COX15: variants seen among roughly 807,000 people sequenced by gnomAD.
COX15 encodes cytochrome c oxidase assembly factor COX15, also known as heme A synthase COX15.
COX15 carries 51 observed loss-of-function variants against 51.9 expected under a neutral mutation model. That is an observed-to-expected ratio of 0.98 (90% confidence interval 0.78 to 1.24). The LOEUF (loss-of-function observed/expected upper bound fraction) is 1.24. COX15 is among the 50% of genes most tolerant of loss of function. The pLI is 0.00. For missense variants in COX15, 420 were observed against 501.1 expected (o/e 0.84, Z 1.55); for synonymous variants, 188 against 190.5 (o/e 0.99, Z 0.11).
intron 5 of COX15, among the ~76,000 whole-genome samples, chr10:99,722,186 T>C (rs932213148): frequency 6.6e-6 from 1 of 152,196 alleles, no homozygotes. Flanking sequence ...AAAATTTAAA[T>C]AGCCATATGT....
downstream of COX15, chr10:99,709,118 C>T: frequency 1.0e-6 from 1 of 982,924 alleles, no homozygotes; most frequent in Non-Finnish European, 1.2e-6. Context: ...ATTTCCTTTA[C>T]TACAACATCC....
intron 6 of COX15, among the ~76,000 whole-genome samples, chr10:99,718,854 G>T (rs978594076): frequency 3.3e-5 from 5 of 152,054 alleles, no homozygotes; most frequent in African/African-American, 1.2e-4. Flanking sequence ...ATTTATTTTA[G>T]AAATGCTCTC....
At chr10:99,717,802 TCA>T (rs939038823) in intron 7 of COX15, among the ~76,000 whole-genome samples, 4 of 152,228 alleles carry the variant, frequency 2.6e-5, no homozygotes, top group Non-Finnish European at 5.9e-5. Context: ...ACTATGCTTC[TCA>T]CAGTCTCCTT....
At chr10:99,717,821 C>T (rs1302053498) in intron 7 of COX15, among the ~76,000 whole-genome samples, 1 of 152,214 alleles carries the variant, frequency 6.6e-6, no homozygotes, top group Non-Finnish European at 1.5e-5. Context: ...CCTTACTGCT[C>T]ATCTTTCCCC....
chr10:99,710,724 A>T, downstream of COX15: 1 of 985,436 alleles, frequency 1.0e-6, no homozygotes, highest in Non-Finnish European at 1.2e-6. Flanking sequence ...GTAGCTGTAG[A>T]TAAACTGGTT....
In COX15 at chr10:99,711,034, T is replaced by C. The variant is rs2036366138; in HGVS notation, c.*3553A>G. 1 of 985,260 alleles carries C rather than the reference T, an allele frequency of 1.0e-6. No homozygotes were observed. Among genetic ancestry groups the C allele is most frequent in the Non-Finnish European group, 1.2e-6 (1 of 829,894 alleles). The allele number at this position is 985,260 out of a possible 1,614,324, so 61.0% of individuals were successfully genotyped here. Reference sequence around the variant, plus strand: ...GAACATCAATCTGTAATTATCCATTTTCCATTCATGCATTCACTAATTCAA... The same window carrying C: ...GAACATCAATCTGTAATTATCCATTCTCCATTCATGCATTCACTAATTCAA... On this transcript the variant is annotated 3_prime_UTR_variant, in exon 9 of 9. Coordinates refer to ENST00000016171, the MANE Select transcript of COX15 (RefSeq NM_078470.6).
intron 8 of COX15, among the ~76,000 whole-genome samples, chr10:99,716,042 G>A (rs940904056): frequency 4.0e-5 from 6 of 149,140 alleles, no homozygotes; most frequent in South Asian, 2.1e-4. Flanking sequence ...TCTAGGCTGG[G>A]GTGCAGCGGT....
At chr10:99,694,546 T>G in the COX15 span, among the ~76,000 whole-genome samples, 1 of 150,840 alleles carries the variant, frequency 6.6e-6, no homozygotes, top group African/African-American at 2.4e-5. Flanking sequence ...TTGTTTTTTT[T>G]TTTTTTTGAG....
chr10:99,727,562 A>G lies in COX15; in HGVS notation c.274T>C (p.Leu92=), dbSNP rs770793418. 21 of 1,613,440 alleles carry G rather than the reference A, an allele frequency of 1.3e-5. No homozygotes were observed. The highest frequency in any genetic ancestry group is 1.8e-5 in the Non-Finnish European group (21 of 1,180,018). ...GAVILGGVTR[L]TESGLSMVDW... ...ACCATCGAGAGGCCAGACTCTGTCA[A>G]CCTTAGGATAGGAAAGAAATTTTGG... The change falls in exon 3 of 9, where the codon TTG becomes CTG. Residue 92 remains leucine (L), a splice_region_variant and synonymous_variant. Coordinates refer to ENST00000016171, the MANE Select transcript of COX15 (RefSeq NM_078470.6).
At position 99,721,069 on chromosome 10, in the gene COX15, C is replaced by A; in HGVS notation, c.751-1G>T. 1.9e-6 allele frequency: 3 copies of A among 1,610,912 alleles called. No individual in the cohort carries two copies. The highest frequency in any genetic ancestry group is 2.5e-6 in the Non-Finnish European group (3 of 1,178,680). Reference sequence around the variant, plus strand: ...GTAGGAGTTGGTGGGTTTCAGGCAACTAAATATGAAAAAAAATCATTCAGT... The same window carrying A: ...GTAGGAGTTGGTGGGTTTCAGGCAAATAAATATGAAAAAAAATCATTCAGT... On this transcript the variant is annotated splice_acceptor_variant, in intron 5 of 8. Transcript: ENST00000016171. LOFTEE classifies it high-confidence loss of function.
chr10:99,725,655 G>A (rs1474727347), intron 4 of COX15, among the ~76,000 whole-genome samples: 1 of 152,114 alleles, frequency 6.6e-6, no homozygotes, highest in South Asian at 2.1e-4. Context: ...CGCCTCCCCG[G>A]TTCAATCAAT....
rs776729659 is a variant in COX15, at chr10:99,727,568, G to A, written c.273-5C>T. 1.7e-5 allele frequency: 27 copies of A among 1,612,992 alleles called. No homozygotes were observed. Among genetic ancestry groups the A allele is most frequent in the Non-Finnish European group, 2.3e-5 (27 of 1,180,006 alleles). ...GAGAGGCCAGACTCTGTCAACCTTA[G>A]GATAGGAAAGAAATTTTGGGGTGTA... is the stretch of plus-strand genomic sequence containing the variant. On this transcript the variant is annotated splice_region_variant and splice_polypyrimidine_tract_variant and intron_variant, in intron 2 of 8. Coordinates refer to ENST00000016171, the MANE Select transcript of COX15 (RefSeq NM_078470.6).
the COX15 span, chr10:99,702,689 C>A: frequency 2.5e-6 from 4 of 1,593,626 alleles, no homozygotes; most frequent in South Asian, 4.6e-5. Context: ...GTAAGACTGA[C>A]CAATCTGGTA....
intron 4 of COX15, among the ~76,000 whole-genome samples, chr10:99,726,757 G>A (rs1318119064): frequency 6.6e-6 from 1 of 152,016 alleles, no homozygotes; most frequent in Non-Finnish European, 1.5e-5. Flanking sequence ...CATAGTGGCA[G>A]GTGCCTGCAG....
At chr10:99,708,284 C>A (rs1231484715), downstream of COX15, among the ~76,000 whole-genome samples, 1 of 152,044 alleles carries the variant, frequency 6.6e-6, no homozygotes, top group African/African-American at 2.4e-5. Flanking sequence ...ATTATCACAT[C>A]CATATTTATA....
At chr10:99,707,953 ATG>A, downstream of COX15, among the ~76,000 whole-genome samples, 1 of 152,176 alleles carries the variant, frequency 6.6e-6, no homozygotes, top group Non-Finnish European at 1.5e-5. Flanking sequence ...GGTTTGTTAC[ATG>A]AGTATATTGA....
chr10:99,727,498 C>T lies in COX15; in HGVS notation c.338G>A (p.Ser113Asn), dbSNP rs374948144. 2 of 1,613,720 alleles carry T rather than the reference C, an allele frequency of 1.2e-6. No homozygotes were observed. The highest frequency in any genetic ancestry group is 1.3e-5 in the African/African-American group (1 of 74,902). The change falls in exon 3 of 9, where the codon AGC becomes AAC. Residue 113 changes from serine (S) to asparagine (N), a missense_variant. Physicochemically the swap from Ser to Asn is conservative, Grantham distance 46 (BLOSUM62 1). Transcript: ENST00000016171. Reference sequence around the variant, plus strand: ...GAATTCTGCTTCCCATTCCTCTTGGCTTGTAGGTGGCTTCATCTCCTTTAT... The same window carrying T: ...GAATTCTGCTTCCCATTCCTCTTGGTTTGTAGGTGGCTTCATCTCCTTTAT... ...HLIKEMKPPTSQEEWEAEFQR... is the reference protein window; with the variant it reads ...HLIKEMKPPTNQEEWEAEFQR...
At position 99,727,006 on chromosome 10, in the gene COX15, C is replaced by G. The variant is rs374251363; in HGVS notation, c.544G>C (p.Gly182Arg). ...RKGWLSRGMK[G>R]RVLALCGLVC... ...AGGCCACAGAGGGCAAGAACACGTC[C>G]TTTCATGCCACGGCTGAGCCAGCCC... Residue 182 changes from glycine (G) to arginine (R), a missense_variant, in exon 4 of 9, where the codon GGA becomes CGA. Gly to Arg is a moderately radical substitution (Grantham distance 125). Transcript: ENST00000016171. The G allele has an allele frequency of 2.3e-5, 37 of 1,614,042 alleles. No homozygotes were observed. The highest frequency in any genetic ancestry group is 3.0e-5 in the Non-Finnish European group (35 of 1,180,042).
chr10:99,706,471 GA>G (rs2036255705), downstream of COX15, among the ~76,000 whole-genome samples: 1 of 151,548 alleles, frequency 6.6e-6, no homozygotes. Context: ...GAGTAGCTGG[GA>G]CTACAGGTGT....
Sources: allele counts gnomAD v4.1 joint callset (sites outside exome capture counted in the v4.1 genomes callset), GRCh38; gene constraint gnomAD v4.1.1; transcripts MANE v1.5; gene names NCBI Gene and HGNC (gene_info 2026-07-23, HGNC 2026-07-21).